The following CYP4X1 variants were observed in gnomAD, a reference collection of about 807,000 sequenced individuals.
CYP4X1 encodes cytochrome P450 4X1.
A neutral mutation model predicts 57.9 loss-of-function variants in CYP4X1; 44 were observed. That is an observed-to-expected ratio of 0.76 (90% CI 0.60 to 0.98). CYP4X1 has a LOEUF of 0.98. CYP4X1 is among the 50% of genes least tolerant of loss of function. The pLI is 0.00. For missense variants in CYP4X1, 532 were observed against 623.9 expected (o/e 0.85, Z 1.57); for synonymous variants, 227 against 228.6 (o/e 0.99, Z 0.06).
chr1:46,975,098 T>C, the CYP4X1 span, among the ~76,000 whole-genome samples: 1 of 152,330 alleles, frequency 6.6e-6, no homozygotes, highest in African/African-American at 2.4e-5. Context: ...TTTTTAAGTG[T>C]ATGATTGAGT....
At chr1:46,990,872 G>A in the CYP4X1 span, among the ~76,000 whole-genome samples, 3 of 152,054 alleles carry the variant, frequency 2.0e-5, no homozygotes, top group African/African-American at 4.8e-5. Flanking sequence ...GACACAGGGA[G>A]GGGAACATCA....
chr1:47,024,878 C>T (rs1457240607), intron 1 of CYP4X1, among the ~76,000 whole-genome samples: 1 of 152,174 alleles, frequency 6.6e-6, no homozygotes, highest in African/African-American at 2.4e-5. Context: ...CCTTTGGTTT[C>T]CCCACTTTCT....
the CYP4X1 span, among the ~76,000 whole-genome samples, chr1:46,992,837 G>A: frequency 2.0e-5 from 3 of 152,234 alleles, no homozygotes; most frequent in Non-Finnish European, 4.4e-5. Flanking sequence ...TTTCCAAATT[G>A]ATATGCCAAT....
chr1:47,023,752 G>A lies in CYP4X1; in HGVS notation c.-66G>A. ...GGTGGGCGACCCTACGCCAGCTCCG[G>A]GCGGGAGAAAGCCCACCCTCTCCCG... On this transcript the variant is annotated 5_prime_UTR_variant, in exon 1 of 12. Transcript: ENST00000371901. The A allele has an allele frequency of 7.7e-6, 12 of 1,553,908 alleles. No homozygotes were observed. The highest frequency in any genetic ancestry group is 1.0e-5 in the Non-Finnish European group (12 of 1,150,872).
At chr1:46,968,685 TTGAGTGAGTGAG>T in the CYP4X1 span, among the ~76,000 whole-genome samples, 1 of 151,724 alleles carries the variant, frequency 6.6e-6, no homozygotes, top group Non-Finnish European at 1.5e-5. Flanking sequence ...CACTCAGTGA[TTGAGTGAGTGAG>T]TGAGTGAGTG....
the CYP4X1 span, among the ~76,000 whole-genome samples, chr1:46,969,964 C>T: frequency 2.3e-4 from 35 of 152,302 alleles, no homozygotes; most frequent in Admixed American, 1.4e-3. Flanking sequence ...CAACACACAT[C>T]GGTTAAAACT....
chr1:47,026,897 A>G lies in CYP4X1; in HGVS notation c.177+2903A>G, dbSNP rs146240581. Among the ~76,000 whole-genome samples, 964 of 150,976 alleles carry G rather than the reference A, an allele frequency of 6.4e-3. 8 individuals carry two copies. Among genetic ancestry groups the G allele is most frequent in the African/African-American group, 0.021 (871 of 41,400 alleles). On this transcript the variant is annotated intron_variant, in intron 1 of 11. Coordinates refer to ENST00000371901, the MANE Select transcript of CYP4X1 (RefSeq NM_178033.2). Reference sequence around the variant, plus strand: ...CACACCAACTAATTTTTGTATTTTCAGTAGAGACGGGGTTTCACCATATTG... The same window carrying G: ...CACACCAACTAATTTTTGTATTTTCGGTAGAGACGGGGTTTCACCATATTG...
chr1:46,972,483 G>A, the CYP4X1 span, among the ~76,000 whole-genome samples: 1 of 152,136 alleles, frequency 6.6e-6, no homozygotes, highest in Admixed American at 6.5e-5. Context: ...AATGTTGTTA[G>A]TAGTTTGATA....
Position 47,049,504 on chromosome 1 carries a change from G to C in CYP4X1, c.1355G>C (p.Arg452Thr), listed in dbSNP as rs750339820. Reference protein sequence around the residue: ...YAYLPFSAGSRNCIGQEFAMI... With the variant: ...YAYLPFSAGSTNCIGQEFAMI... Reference sequence around the variant, plus strand: ...TACTTACCATTCTCAGCTGGATCAAGGTGAGAACAATTTGAAGTTGCTGAA... The same window carrying C: ...TACTTACCATTCTCAGCTGGATCAACGTGAGAACAATTTGAAGTTGCTGAA... The change falls in exon 11 of 12, where the codon AGG becomes ACG. Residue 452 changes from arginine to threonine, a missense_variant and splice_region_variant. Physicochemically the swap from Arg to Thr is moderately conservative, Grantham distance 71 (BLOSUM62 -1). Coordinates refer to ENST00000371901, the MANE Select transcript of CYP4X1 (RefSeq NM_178033.2). 6.2e-7 allele frequency: 1 copy of C among 1,613,818 alleles called. No individual in the cohort carries two copies. Among genetic ancestry groups the C allele is most frequent in the East Asian group, 2.2e-5 (1 of 44,868 alleles).
At chr1:47,036,253 G>A in intron 6 of CYP4X1, 82 bp downstream of exon 6, 1 of 1,410,464 alleles carries the variant, frequency 7.1e-7, no homozygotes, top group Non-Finnish European at 9.3e-7. Context: ...ACCTTAATAT[G>A]ACAAGAGAAA....
the CYP4X1 span, among the ~76,000 whole-genome samples, chr1:47,008,823 A>G: frequency 2.0e-5 from 3 of 152,218 alleles, no homozygotes; most frequent in Non-Finnish European, 4.4e-5. Context: ...AGACACAAAG[A>G]AGGCCATTAC....
intron 4 of CYP4X1, among the ~76,000 whole-genome samples, chr1:47,034,301 G>T (rs1270082019): frequency 6.6e-6 from 1 of 152,050 alleles, no homozygotes; most frequent in Non-Finnish European, 1.5e-5. Flanking sequence ...GATAGTGGAG[G>T]ATCATTAGGC....
chr1:46,978,897 G>A, the CYP4X1 span, among the ~76,000 whole-genome samples: 3 of 152,130 alleles, frequency 2.0e-5, no homozygotes, highest in African/African-American at 7.2e-5. Flanking sequence ...ACGAAATGAA[G>A]GCAGAAATAA....
In CYP4X1 at chr1:47,050,225, C is replaced by T. The variant is rs112296328; in HGVS notation, c.*51C>T. The T allele has an allele frequency of 3.8e-4, 606 of 1,592,168 alleles. 3 individuals are homozygous for T. The African/African-American group carries it at 6.8e-3, about 18-fold the overall frequency. ...ACTTTGTTTTTCGAAGTTAAATTTA[C>T]AGCTAATGATCCAAGCAGATAGAAA... On this transcript the variant is annotated 3_prime_UTR_variant, in exon 12 of 12. Coordinates refer to ENST00000371901, the MANE Select transcript of CYP4X1 (RefSeq NM_178033.2).
At chr1:46,991,158 C>A in the CYP4X1 span, among the ~76,000 whole-genome samples, 1 of 152,090 alleles carries the variant, frequency 6.6e-6, no homozygotes, top group Non-Finnish European at 1.5e-5. Context: ...ACCTTCCAGA[C>A]TGCTTTTAAT....
At chr1:46,993,003 A>G in the CYP4X1 span, among the ~76,000 whole-genome samples, 1 of 152,052 alleles carries the variant, frequency 6.6e-6, no homozygotes, top group Non-Finnish European at 1.5e-5. Flanking sequence ...ACATATGCAT[A>G]CATGTGCCAT....
In CYP4X1 at chr1:47,038,709, G is replaced by A. The variant is rs1644212515; in HGVS notation, c.825G>A (p.Gln275=). Residue 275 remains glutamine, a synonymous_variant, in exon 7 of 12, where the codon CAG becomes CAA. Transcript: ENST00000371901. ...AATCCCTCCAGGCTGGGGTAAAGCA[G>A]GATAACACTCCGAAGAGGAAGTACC... The part of the protein sequence containing the change: ...RKKSLQAGVK[Q]DNTPKRKYQD... 3.1e-6 allele frequency: 5 copies of A among 1,611,230 alleles called. No individual in the cohort carries two copies. Among genetic ancestry groups the A allele is most frequent in the African/African-American group, 1.3e-5 (1 of 74,726 alleles).
chr1:47,010,646 G>T, the CYP4X1 span, among the ~76,000 whole-genome samples: 2 of 152,194 alleles, frequency 1.3e-5, no homozygotes, highest in Non-Finnish European at 2.9e-5. Context: ...TGACATGATT[G>T]TATATCTAGA....
chr1:47,053,180 T>G (rs1264712203), downstream of CYP4X1, among the ~76,000 whole-genome samples: 3 of 152,132 alleles, frequency 2.0e-5, no homozygotes, highest in Non-Finnish European at 4.4e-5. Context: ...TGGTTTTTTG[T>G]CCTTGTGATA....
Sources: gnomAD v4.1 joint callset for allele counts (sites outside exome capture counted in the v4.1 genomes callset) on GRCh38, gnomAD v4.1.1 for gene constraint, MANE v1.5 for transcripts, NCBI Gene and HGNC (gene_info 2026-07-23, HGNC 2026-07-21) for gene names.